Variants in ZHX2 observed in about 807,000 individuals in gnomAD.
The protein encoded by ZHX2 is zinc fingers and homeoboxes 2, also known as zinc fingers and homeoboxes protein 2.
A neutral mutation model predicts 21.9 loss-of-function variants in ZHX2; 6 were observed. The observed-to-expected ratio is 0.27, with a 90% CI of 0.15 to 0.54. The LOEUF (loss-of-function observed/expected upper bound fraction) is 0.54. Among genes scored for constraint, ZHX2 ranks in the 20% least tolerant of loss-of-function variants. ZHX2 has a pLI of 0.95. For missense variants in ZHX2, 908 were observed against 1,090.7 expected, an observed-to-expected ratio of 0.83 and a Z score of 2.36; for synonymous variants, 434 against 437.1, an observed-to-expected ratio of 0.99 and a Z score of 0.09.
At chr8:122,909,962 C>T (rs1368784247) in intron 2 of ZHX2, among the ~76,000 whole-genome samples, 1 of 152,128 alleles carries the variant, frequency 6.6e-6, no homozygotes, top group African/African-American at 2.4e-5. Flanking sequence ...ACTGGAAGGG[C>T]AGCCTCTCAG....
chr8:122,873,232 G>C (rs909306866), intron 2 of ZHX2, among the ~76,000 whole-genome samples: 3 of 152,242 alleles, frequency 2.0e-5, no homozygotes, highest in Non-Finnish European at 1.5e-5. Flanking sequence ...AGCAGACTCA[G>C]TGGGGAGCAC....
At chr8:122,842,443 C>T (rs1243712241) in intron 1 of ZHX2, among the ~76,000 whole-genome samples, 3 of 152,178 alleles carry the variant, frequency 2.0e-5, no homozygotes, top group African/African-American at 7.2e-5. Context: ...TGGTGGCTCA[C>T]GCCTGTAATC....
At chr8:122,936,489 G>A (rs1189130190) in intron 2 of ZHX2, among the ~76,000 whole-genome samples, 1 of 152,224 alleles carries the variant, frequency 6.6e-6, no homozygotes, top group Non-Finnish European at 1.5e-5. Context: ...CTGAGAGAAT[G>A]TTACAAATAG....
chr8:122,890,816 C>T (rs985922324), intron 2 of ZHX2, among the ~76,000 whole-genome samples: 2 of 152,254 alleles, frequency 1.3e-5, no homozygotes, highest in South Asian at 2.1e-4. Flanking sequence ...TTGCATCCTT[C>T]AACTTTACTA....
chr8:122,876,777 G>A (rs995721271), intron 2 of ZHX2, among the ~76,000 whole-genome samples: 2 of 152,228 alleles, frequency 1.3e-5, no homozygotes, highest in African/African-American at 2.4e-5. Context: ...TGGATTGTAA[G>A]ACTGAGTGTA....
At chr8:122,873,525 C>T (rs1016297168) in intron 2 of ZHX2, among the ~76,000 whole-genome samples, 9 of 152,226 alleles carry the variant, frequency 5.9e-5, no homozygotes, top group African/African-American at 1.2e-4. Context: ...AGCGGGCATG[C>T]AGAGAAGGGC....
intron 1 of ZHX2, among the ~76,000 whole-genome samples, chr8:122,843,959 TCA>T (rs3221811): frequency 0.27 from 40,726 of 148,616 alleles, 5,473 homozygotes; most frequent in Middle Eastern, 0.38. Context: ...TTCTCACCCT[TCA>T]CACACACACA....
chr8:122,845,850 G>T (rs1818738834), intron 1 of ZHX2, among the ~76,000 whole-genome samples: 1 of 152,252 alleles, frequency 6.6e-6, no homozygotes, highest in African/African-American at 2.4e-5. Context: ...ACAGGAAAGA[G>T]CCACAACACA....
At chr8:122,863,942 A>G (rs1819228749) in intron 2 of ZHX2, among the ~76,000 whole-genome samples, 1 of 152,128 alleles carries the variant, frequency 6.6e-6, no homozygotes, top group African/African-American at 2.4e-5. Context: ...AGACAGTGCT[A>G]AAGTGAGGCA....
Position 122,943,221 on chromosome 8 carries a change from C to T in ZHX2, c.-219-8071C>T, listed in dbSNP as rs187006680. Among the ~76,000 whole-genome samples the T allele has an allele frequency of 4.6e-5, 7 of 152,002 alleles. No homozygotes were observed. The East Asian group carries it at 1.4e-3, about 29-fold the overall frequency. On this transcript the variant is annotated intron_variant, in intron 2 of 3. Transcript: ENST00000314393. The stretch of plus-strand genomic sequence containing the variant: ...AGGTTGCGGTGAGCCAAGATCGCAC[C>T]ACTGCACTCCAGCCTGGGCAAAAGA...
chr8:122,857,420 G>C (rs1013405678), intron 1 of ZHX2, among the ~76,000 whole-genome samples: 1 of 151,980 alleles, frequency 6.6e-6, no homozygotes, highest in Admixed American at 6.5e-5. Context: ...TCTTCCTAGA[G>C]TGTCAGTTGT....
chr8:122,918,946 C>CAA (rs79202862), intron 2 of ZHX2, among the ~76,000 whole-genome samples: 24 of 74,166 alleles, frequency 3.2e-4, no homozygotes, highest in Non-Finnish European at 3.7e-4. Flanking sequence ...GACTCCACCT[C>CAA]AAAAAAAAAA....
chr8:122,939,929 G>A (rs10956109), intron 2 of ZHX2, among the ~76,000 whole-genome samples: 107,046 of 152,016 alleles, frequency 0.7, 37,851 homozygotes, highest in East Asian at 0.8. Context: ...CACCACTCAC[G>A]CTAGCTTACT....
chr8:122,934,783 T>G (rs923675492), intron 2 of ZHX2, among the ~76,000 whole-genome samples: 2 of 151,982 alleles, frequency 1.3e-5, no homozygotes, highest in African/African-American at 4.8e-5. Flanking sequence ...CTGCCTCCCG[T>G]GTTCAAGCAA....
intron 1 of ZHX2, among the ~76,000 whole-genome samples, chr8:122,820,048 C>T (rs1013073335): frequency 6.6e-6 from 1 of 152,108 alleles, no homozygotes; most frequent in Non-Finnish European, 1.5e-5. Context: ...AGTCACATCA[C>T]GATGGAAACA....
chr8:122,934,019 T>C (rs1255241243), intron 2 of ZHX2, among the ~76,000 whole-genome samples: 1 of 152,168 alleles, frequency 6.6e-6, no homozygotes, highest in Non-Finnish European at 1.5e-5. Context: ...AATTAATTAA[T>C]CATCTATTGG....
intron 2 of ZHX2, among the ~76,000 whole-genome samples, chr8:122,938,599 G>A (rs1475507662): frequency 6.6e-6 from 1 of 152,132 alleles, no homozygotes; most frequent in African/African-American, 2.4e-5. Context: ...CACTTTGGGA[G>A]GCTGAGGCAG....
chr8:122,848,178 G>A (rs950367058), intron 1 of ZHX2, among the ~76,000 whole-genome samples: 3 of 152,164 alleles, frequency 2.0e-5, no homozygotes, highest in Admixed American at 6.5e-5. Context: ...TAGCCAAAGT[G>A]TGGGTTTGAG....
At chr8:122,947,726 A>G (rs1478364190) in intron 2 of ZHX2, among the ~76,000 whole-genome samples, 2 of 151,716 alleles carry the variant, frequency 1.3e-5, no homozygotes, top group Admixed American at 1.3e-4. Context: ...AGACCTAAAA[A>G]CCAGGCGGTT....
Sources: gnomAD v4.1 joint callset for allele counts (sites outside exome capture counted in the v4.1 genomes callset) on GRCh38, gnomAD v4.1.1 for gene constraint, MANE v1.5 for transcripts, NCBI Gene and HGNC (gene_info 2026-07-23, HGNC 2026-07-21) for gene names.